DGCR8: variants seen among roughly 807,000 people sequenced by gnomAD.
DGCR8 encodes DGCR8 microprocessor complex subunit.
Under a neutral mutation model 78.5 loss-of-function variants are expected in DGCR8, and 14 were observed. The ratio of observed to expected loss-of-function variants is 0.18; its 90% CI spans 0.12 to 0.28. The LOEUF is 0.28. Ranked by LOEUF, DGCR8 falls within the 10% of genes least tolerant of loss-of-function variation. The probability of loss-of-function intolerance (pLI) is 1.00; values close to 1 mark genes in which losing one functional copy is unlikely to be tolerated. For synonymous variants in DGCR8, 399 were observed against 402.4 expected (o/e 0.99, Z 0.10); for missense variants, 702 against 1,022.5 (o/e 0.69, Z 4.28).
rs932008719 is a variant in DGCR8, at chr22:20,110,910, A to G, written c.*802A>G. On this transcript the variant is annotated 3_prime_UTR_variant, in exon 14 of 14. Coordinates refer to ENST00000351989, the MANE Select transcript of DGCR8 (RefSeq NM_022720.7). ...CCTCCGGCAACAGTTTTTTACAAAG[A>G]TTTTTTGCAGTCGAGTCCATATGTC... The G allele has an allele frequency of 1.8e-5, 6 of 334,744 alleles. No individual in the cohort carries two copies. Among genetic ancestry groups the G allele is most frequent in the Non-Finnish European group, 2.7e-5 (5 of 186,670 alleles). 20.7% of individuals were successfully genotyped at this position (334,744 alleles called of 1,614,324 possible).
Position 20,085,940 on chromosome 22 carries a change from A to C in DGCR8, c.-24A>C, listed in dbSNP as rs773085552. ...AGGGCTTGTAAAACTCTGGTCTTGT[A>C]AACTAGTCTTAAGCGCTTTTAATAT... On this transcript the variant is annotated 5_prime_UTR_variant, in exon 2 of 14. Transcript: ENST00000351989. The surrounding 1 kb of genome is among the most constrained non-coding windows in gnomAD (Gnocchi z 6.2). 5 of 1,528,096 alleles carry C rather than the reference A, an allele frequency of 3.3e-6. No homozygotes were observed. Among genetic ancestry groups the C allele is most frequent in the Non-Finnish European group, 4.4e-6 (5 of 1,143,718 alleles). The allele number at this position is 1,528,096 out of a possible 1,614,324, so 94.7% of individuals were successfully genotyped here. A position where few individuals can be genotyped will look rare whatever the true frequency, so the allele number is the denominator to read the frequency against.
At chr22:20,103,283 C>G (rs2147936792) in intron 9 of DGCR8, among the ~76,000 whole-genome samples, 1 of 152,138 alleles carries the variant, frequency 6.6e-6, no homozygotes, top group South Asian at 2.1e-4. Context: ...TCTTTGATAT[C>G]TTTCATGGGT....
chr22:20,107,442 C>T, intron 12 of DGCR8, 44 bp downstream of exon 12: 1 of 1,610,852 alleles, frequency 6.2e-7, no homozygotes, highest in East Asian at 2.2e-5. Flanking sequence ...GTGCTGCCAC[C>T]CTGGAGCGTA....
Position 20,085,891 on chromosome 22 carries a change from A to C in DGCR8, c.-73A>C. ...CGCCCGGGTCTCAGCGGACTTGTGC[A>C]TGTTAGCTGTGTAGATTTATGTGAG... is the stretch of plus-strand genomic sequence containing the variant. On this transcript the variant is annotated 5_prime_UTR_variant, in exon 2 of 14. An upstream start codon of the reference 5' UTR is lost. Coordinates refer to ENST00000351989, the MANE Select transcript of DGCR8 (RefSeq NM_022720.7). This position sits in a 1 kb window ranked among gnomAD's most constrained non-coding sequence, Gnocchi z 6.2. The C allele has an allele frequency of 6.6e-7, 1 of 1,504,336 alleles. No homozygotes were observed. The highest frequency in any genetic ancestry group is 8.8e-7 in the Non-Finnish European group (1 of 1,134,454). 93.2% of individuals were successfully genotyped at this position (1,504,336 alleles called of 1,614,324 possible).
At chr22:20,102,690 C>A (rs1251697597) in intron 9 of DGCR8, among the ~76,000 whole-genome samples, 1 of 152,178 alleles carries the variant, frequency 6.6e-6, no homozygotes, top group Non-Finnish European at 1.5e-5. Context: ...AGCTGTGTGT[C>A]CTTTTCCTGA....
chr22:20,096,971 A>G (rs776051650), intron 9 of DGCR8, among the ~76,000 whole-genome samples: 15 of 152,012 alleles, frequency 9.9e-5, no homozygotes, highest in Non-Finnish European at 1.9e-4. Flanking sequence ...AGTGTATTAT[A>G]TTGGTTTTTG....
chr22:20,081,425 A>G (rs1461178169), intron 1 of DGCR8, among the ~76,000 whole-genome samples: 1 of 152,160 alleles, frequency 6.6e-6, no homozygotes, highest in African/African-American at 2.4e-5. Flanking sequence ...TTGGCAAGGC[A>G]GGGTTTGCAT....
chr22:20,106,410 C>T (rs1037123182), intron 10 of DGCR8, 133 bp downstream of exon 10: 2 of 854,770 alleles, frequency 2.3e-6, no homozygotes, highest in East Asian at 5.2e-5. Flanking sequence ...AGCCCCTTGG[C>T]CCTGGCCACC....
At chr22:20,094,316 C>T (rs534811060) in intron 8 of DGCR8, among the ~76,000 whole-genome samples, 18 of 152,340 alleles carry the variant, frequency 1.2e-4, no homozygotes, top group Non-Finnish European at 2.1e-4. Flanking sequence ...TCTCCACCCA[C>T]GCCAGCCACT....
Position 20,110,846 on chromosome 22 carries a change from C to T in DGCR8, c.*738C>T, listed in dbSNP as rs1164933605. Reference sequence around the variant, plus strand: ...TGATGAAGTCTTAATTCCCTAAAAGCGCCTCTTTGGACACTGAGGCCCTCT... The same window carrying T: ...TGATGAAGTCTTAATTCCCTAAAAGTGCCTCTTTGGACACTGAGGCCCTCT... On this transcript the variant is annotated 3_prime_UTR_variant, in exon 14 of 14. Coordinates refer to ENST00000351989, the MANE Select transcript of DGCR8 (RefSeq NM_022720.7). 4.6e-6 allele frequency: 1 copy of T among 216,316 alleles called. No homozygotes were observed. Among genetic ancestry groups the T allele is most frequent in the Non-Finnish European group, 9.0e-6 (1 of 110,854 alleles). The allele number at this position is 216,316 out of a possible 1,614,324, so 13.4% of individuals were successfully genotyped here. A position where few individuals can be genotyped will look rare whatever the true frequency, so the allele number is the denominator to read the frequency against.
Position 20,087,158 on chromosome 22 carries a change from G to A in DGCR8, c.721-4G>A, listed in dbSNP as rs62222208. ...CTCTGGTGTCTGAACAGCGTGTTTT[G>A]CAGGATGACTTTGACAACGATGTGG... On this transcript the variant is annotated splice_region_variant and splice_polypyrimidine_tract_variant and intron_variant, in intron 2 of 13. Coordinates refer to ENST00000351989, the MANE Select transcript of DGCR8 (RefSeq NM_022720.7). The surrounding 1 kb of genome is among the most constrained non-coding windows in gnomAD (Gnocchi z 4.1). 1 of 1,607,102 alleles carries A rather than the reference G, an allele frequency of 6.2e-7. No homozygotes were observed. The highest frequency in any genetic ancestry group is 8.5e-7 in the Non-Finnish European group (1 of 1,175,340).
In DGCR8 at chr22:20,091,415, C is replaced by CTCTGGTAAA; in HGVS notation, c.1307-14_1307-6dup. The CTCTGGTAAA allele has an allele frequency of 6.2e-7, 1 of 1,613,340 alleles. No individual in the cohort carries two copies. Among genetic ancestry groups the CTCTGGTAAA allele is most frequent in the Non-Finnish European group, 8.5e-7 (1 of 1,179,380 alleles). Reference sequence around the variant, plus strand: ...ATGTTGGAAGTTAAGTAATTTGTTTCTCTGGTAAATCTGGGACAGATCTCG... The same window carrying CTCTGGTAAA: ...ATGTTGGAAGTTAAGTAATTTGTTTCTCTGGTAAATCTGGTAAATCTGGGACAGATCTCG... On this transcript the variant is annotated intron_variant, in intron 5 of 13. Coordinates refer to ENST00000351989, the MANE Select transcript of DGCR8 (RefSeq NM_022720.7).
At chr22:20,090,910 T>A (rs59176737) in intron 5 of DGCR8, among the ~76,000 whole-genome samples, 97 of 152,316 alleles carry the variant, frequency 6.4e-4, no homozygotes, top group African/African-American at 2.3e-3. Flanking sequence ...CCGTGGAGTG[T>A]GGGGTGCCCT....
In DGCR8 at chr22:20,108,903, A is replaced by G. The variant is rs751567913; in HGVS notation, c.2138A>G (p.Lys713Arg). Reference protein sequence around the residue: ...SKMVKQETSDKSVIELQQYAK... With the variant: ...SKMVKQETSDRSVIELQQYAK... ...TATACTTCCCAGGAGACATCGGACA[A>G]GAGTGTGATTGAGCTGCAGCAGTAT... The change falls in exon 13 of 14, where the codon AAG (lysine) becomes AGG (arginine). Residue 713 changes from lysine to arginine, a missense_variant. Physicochemically the swap from Lys to Arg is conservative, Grantham distance 26. Coordinates refer to ENST00000351989, the MANE Select transcript of DGCR8 (RefSeq NM_022720.7). 1.9e-6 allele frequency: 3 copies of G among 1,587,004 alleles called. No individual in the cohort carries two copies. Among genetic ancestry groups the G allele is most frequent in the East Asian group, 2.3e-5 (1 of 44,344 alleles).
chr22:20,100,414 A>G, intron 9 of DGCR8: 1 of 985,414 alleles, frequency 1.0e-6, no homozygotes, highest in Non-Finnish European at 1.2e-6. Flanking sequence ...TATGGCTCCC[A>G]GGGAGGCTTC....
chr22:20,083,829 C>A (rs1028216388), intron 1 of DGCR8, among the ~76,000 whole-genome samples: 1 of 152,170 alleles, frequency 6.6e-6, no homozygotes, highest in African/African-American at 2.4e-5. Flanking sequence ...AGGAGACTGA[C>A]CTCACCCCAC....
chr22:20,091,547 G>T lies in DGCR8; in HGVS notation c.1419G>T (p.Arg473=). ...ERRQFNREMK[R]KQAESERPIL... ...GGCAATTCAATCGGGAAATGAAGCG[G>T]AAGCAGGCGGAGTCCGAGAGGCCCA... Residue 473 remains arginine (R), a synonymous_variant, in exon 6 of 14, where the codon CGG becomes CGT. Coordinates refer to ENST00000351989, the MANE Select transcript of DGCR8 (RefSeq NM_022720.7). 6.2e-7 allele frequency: 1 copy of T among 1,614,258 alleles called. No individual in the cohort carries two copies.
rs748002608 is a variant in DGCR8 at position 20,091,647 on chromosome 22, ATTTTAAC to A, written c.1504+16_1504+22del. On this transcript the variant is annotated intron_variant, in intron 6 of 13. Transcript: ENST00000351989. Reference sequence around the variant, plus strand: ...CACAAAGAAAGGTATAAGCCTCTGCATTTTAACATCAGCAGACTGGTTATGCTGTTAT... The same window carrying A: ...CACAAAGAAAGGTATAAGCCTCTGCAATCAGCAGACTGGTTATGCTGTTAT... 1 of 1,612,270 alleles carries A rather than the reference ATTTTAAC, an allele frequency of 6.2e-7. No homozygotes were observed. The highest frequency in any genetic ancestry group is 8.5e-7 in the Non-Finnish European group (1 of 1,178,466).
At chr22:20,104,250 T>G (rs905691723) in intron 9 of DGCR8, among the ~76,000 whole-genome samples, 3 of 151,824 alleles carry the variant, frequency 2.0e-5, no homozygotes, top group East Asian at 1.9e-4. Context: ...CTGCAAGCTC[T>G]GCTTCCCGGG....
Sources: gnomAD v4.1 joint callset for allele counts (sites outside exome capture counted in the v4.1 genomes callset) on GRCh38, gnomAD v4.1.1 for gene constraint, Gnocchi (gnomAD v3.1) non-coding constraint, MANE v1.5 for transcripts, NCBI Gene and HGNC (gene_info 2026-07-23, HGNC 2026-07-21) for gene names.